Variants in SND1 observed in about 807,000 individuals in gnomAD.
SND1 encodes staphylococcal nuclease and tudor domain containing 1.
A neutral mutation model predicts 121.7 loss-of-function variants in SND1; 38 were observed. The observed-to-expected ratio is 0.31, with a 90% CI of 0.24 to 0.41. The LOEUF is 0.41. Ranked by LOEUF, SND1 falls within the 10% of genes least tolerant of loss-of-function variation. The pLI, the probability that SND1 is intolerant of heterozygous loss-of-function variation, is 1.00. For missense variants in SND1, 868 were observed against 1,184.6 expected (o/e 0.73, Z 3.92); for synonymous variants, 401 against 447.4 (o/e 0.90, Z 1.31).
intron 15 of SND1, among the ~76,000 whole-genome samples, chr7:127,988,997 T>G (rs1223672406): frequency 1.3e-5 from 2 of 152,246 alleles, no homozygotes; most frequent in African/African-American, 4.8e-5. Flanking sequence ...TTTGCAGATA[T>G]AAAAAGAAAA....
intron 12 of SND1, among the ~76,000 whole-genome samples, chr7:127,846,132 A>G (rs1015265108): frequency 2.6e-5 from 4 of 152,224 alleles, no homozygotes; most frequent in African/African-American, 9.6e-5. Flanking sequence ...GTTTAACAAC[A>G]CAGGTTGGTT....
At chr7:128,026,256 G>T (rs775182433) in intron 16 of SND1, among the ~76,000 whole-genome samples, 3 of 152,162 alleles carry the variant, frequency 2.0e-5, no homozygotes, top group Non-Finnish European at 4.4e-5. Flanking sequence ...GGTGATAAAG[G>T]AGAGGCAGGA....
At chr7:127,804,314 C>A (rs1379826163) in intron 10 of SND1, among the ~76,000 whole-genome samples, 1 of 151,964 alleles carries the variant, frequency 6.6e-6, no homozygotes, top group Non-Finnish European at 1.5e-5. Flanking sequence ...TCTGCTTGTG[C>A]TATTAGTTCT....
chr7:127,980,873 C>T (rs113821760), intron 15 of SND1, among the ~76,000 whole-genome samples: 2,147 of 152,142 alleles, frequency 0.014, 49 homozygotes, highest in African/African-American at 0.049. Flanking sequence ...TCTCTAGCAA[C>T]CTGGACAGTA....
chr7:128,077,386 G>C (rs186222901), intron 17 of SND1, among the ~76,000 whole-genome samples: 1 of 152,212 alleles, frequency 6.6e-6, no homozygotes, highest in East Asian at 1.9e-4. Flanking sequence ...CCTGGTCTGT[G>C]CCTGGCTTGA....
chr7:128,061,204 T>G (rs966260298), intron 16 of SND1, among the ~76,000 whole-genome samples: 1 of 152,192 alleles, frequency 6.6e-6, no homozygotes, highest in African/African-American at 2.4e-5. Flanking sequence ...ATAATTGAAA[T>G]TAATGAAACC....
intron 14 of SND1, among the ~76,000 whole-genome samples, chr7:127,906,121 A>T (rs958092739): frequency 2.0e-5 from 3 of 152,094 alleles, no homozygotes; most frequent in African/African-American, 7.2e-5. Context: ...GTCACTGCAG[A>T]TTATAGGTTA....
At chr7:127,813,297 T>C (rs1798366303) in intron 11 of SND1, among the ~76,000 whole-genome samples, 1 of 152,202 alleles carries the variant, frequency 6.6e-6, no homozygotes, top group Non-Finnish European at 1.5e-5. Context: ...TCCTAATCTT[T>C]TACCCCTTGA....
chr7:128,004,532 A>G (rs1034697594), intron 16 of SND1, among the ~76,000 whole-genome samples: 5 of 152,196 alleles, frequency 3.3e-5, no homozygotes, highest in African/African-American at 9.7e-5. Flanking sequence ...CCTTTTCTCT[A>G]TGCCATGAAA....
chr7:127,711,203 G>T (rs2116363625), intron 9 of SND1, among the ~76,000 whole-genome samples: 1 of 152,222 alleles, frequency 6.6e-6, no homozygotes, highest in East Asian at 1.9e-4. Context: ...CTTACTCTTG[G>T]ATTGGAGCTA....
chr7:127,686,941 C>A (rs1219612234), intron 2 of SND1, 179 bp downstream of exon 2: 1 of 609,006 alleles, frequency 1.6e-6, no homozygotes, highest in East Asian at 3.2e-5. Flanking sequence ...ATGTTTACTA[C>A]CTTTAGTGGC....
intron 15 of SND1, among the ~76,000 whole-genome samples, chr7:127,963,229 G>A (rs1801773737): frequency 6.6e-6 from 1 of 150,402 alleles, no homozygotes; most frequent in South Asian, 2.1e-4. Flanking sequence ...CCAGAGATAA[G>A]ACTAGAGCGG....
intron 16 of SND1, chr7:128,042,478 G>T (rs73455771): frequency 4.6e-5 from 7 of 152,436 alleles, no homozygotes; most frequent in Admixed American, 3.3e-4. Context: ...AGTGGAAAAG[G>T]GGGGAGATGA....
intron 13 of SND1, among the ~76,000 whole-genome samples, chr7:127,898,169 CA>C (rs1351930075): frequency 6.6e-6 from 1 of 152,128 alleles, no homozygotes; most frequent in Non-Finnish European, 1.5e-5. Context: ...TCATACCCAG[CA>C]CAATAGCATG....
intron 2 of SND1, among the ~76,000 whole-genome samples, chr7:127,691,497 T>C (rs966623626): frequency 1.3e-5 from 2 of 151,538 alleles, no homozygotes; most frequent in African/African-American, 2.4e-5. Context: ...TGAACCAAGA[T>C]TATGCCACTG....
At chr7:127,715,115 C>T (rs1228258246) in intron 9 of SND1, among the ~76,000 whole-genome samples, 2 of 150,800 alleles carry the variant, frequency 1.3e-5, no homozygotes, top group Non-Finnish European at 2.9e-5. Flanking sequence ...GTTCTACTTT[C>T]TGTACATCCT....
chr7:127,769,509 T>C (rs1476789526), intron 10 of SND1, among the ~76,000 whole-genome samples: 1 of 152,212 alleles, frequency 6.6e-6, no homozygotes, highest in African/African-American at 2.4e-5. Flanking sequence ...TCCAAATAAT[T>C]CTGGTCACCT....
chr7:127,862,557 A>G (rs1799399480), intron 12 of SND1, among the ~76,000 whole-genome samples: 1 of 152,130 alleles, frequency 6.6e-6, no homozygotes, highest in South Asian at 2.1e-4. Context: ...TACAGACATC[A>G]CTCTCAGCAT....
intron 10 of SND1, among the ~76,000 whole-genome samples, chr7:127,776,901 G>T (rs1797630978): frequency 6.6e-6 from 1 of 152,206 alleles, no homozygotes; most frequent in Admixed American, 6.5e-5. Context: ...TTCTGCTAGG[G>T]GACCAATTAG....
Sources: allele counts gnomAD v4.1 joint callset (sites outside exome capture counted in the v4.1 genomes callset), GRCh38; gene constraint gnomAD v4.1.1; transcripts MANE v1.5; gene names NCBI Gene and HGNC (gene_info 2026-07-23, HGNC 2026-07-21).